KCNT2: variants seen among roughly 807,000 people sequenced by gnomAD.
The protein encoded by KCNT2 is potassium sodium-activated channel subfamily T member 2, also known as potassium channel subfamily T member 2.
KCNT2 carries 67 observed loss-of-function variants against 153.8 expected under a neutral mutation model. The ratio of observed to expected loss-of-function variants is 0.44; its 90% CI spans 0.36 to 0.53. KCNT2 has a LOEUF of 0.53. Among genes scored for constraint, KCNT2 ranks in the 20% least tolerant of loss-of-function variants. The pLI is 0.00. For missense variants in KCNT2, 975 were observed against 1,354.8 expected (o/e 0.72, Z 4.40); for synonymous variants, 500 against 458.8 (o/e 1.09, Z -1.15).
intron 19 of KCNT2, among the ~76,000 whole-genome samples, chr1:196,320,688 T>C (rs572534079): frequency 1.3e-5 from 2 of 150,768 alleles, no homozygotes; most frequent in South Asian, 4.2e-4. Context: ...AGAAAAAGAA[T>C]GCTTAATACA....
At chr1:196,403,185 A>G (rs539263154) in intron 12 of KCNT2, among the ~76,000 whole-genome samples, 1 of 151,660 alleles carries the variant, frequency 6.6e-6, no homozygotes, top group Non-Finnish European at 1.5e-5. Context: ...TCAATAGATG[A>G]ATGGATAAAC....
intron 1 of KCNT2, among the ~76,000 whole-genome samples, chr1:196,597,040 T>C (rs1664167095): frequency 6.6e-6 from 1 of 152,160 alleles, no homozygotes; most frequent in South Asian, 2.1e-4. Flanking sequence ...ATATTTACTT[T>C]GGGCACTTGT....
intron 13 of KCNT2, among the ~76,000 whole-genome samples, chr1:196,397,441 C>A (rs966227981): frequency 6.6e-6 from 1 of 151,382 alleles, no homozygotes; most frequent in African/African-American, 2.4e-5. Context: ...ACAAAAGAGG[C>A]ACTGTTATTT....
At chr1:196,296,166 TTAAAGA>T (rs1660657202) in intron 22 of KCNT2, among the ~76,000 whole-genome samples, 1 of 151,960 alleles carries the variant, frequency 6.6e-6, no homozygotes, top group Non-Finnish European at 1.5e-5. Context: ...GTTTGATGTA[TTAAAGA>T]TAAACTGTCC....
chr1:196,306,347 C>T (rs1281297153), intron 21 of KCNT2, among the ~76,000 whole-genome samples: 1 of 152,102 alleles, frequency 6.6e-6, no homozygotes, highest in Non-Finnish European at 1.5e-5. Flanking sequence ...AAATCAGCTC[C>T]TTCTGCTCTC....
rs914023457 is a variant in KCNT2 at position 196,331,656 on chromosome 1, C to T, written c.1998-395G>A. Among the ~76,000 whole-genome samples, 7 of 151,996 alleles carry T rather than the reference C, an allele frequency of 4.6e-5. No individual in the cohort carries two copies. In the East Asian group the frequency reaches 1.2e-3, roughly 25 times the overall value. On this transcript the variant is annotated intron_variant, in intron 17 of 27. Transcript: ENST00000294725. The stretch of plus-strand genomic sequence containing the variant: ...CAGAGTTAGTAGTTGCAACAGGGGT[C>T]AAAAAGCCTGAAATATTTACTGGTT...
At chr1:196,473,349 C>T (rs1678258260) in intron 5 of KCNT2, among the ~76,000 whole-genome samples, 1 of 152,178 alleles carries the variant, frequency 6.6e-6, no homozygotes, top group African/African-American at 2.4e-5. Flanking sequence ...GACATTACAA[C>T]ACTTTAAACT....
Position 196,236,000 on chromosome 1 carries a change from C to T in KCNT2, c.3282G>A (p.Glu1094=). 1 of 1,592,364 alleles carries T rather than the reference C, an allele frequency of 6.3e-7. No individual in the cohort carries two copies. Among genetic ancestry groups the T allele is most frequent in the African/African-American group, 1.3e-5 (1 of 74,390 alleles). Residue 1094 remains glutamate (E), a synonymous_variant, in exon 27 of 28, where the codon GAG becomes GAA. Transcript: ENST00000294725. ...LINPSPDTRI[E]LNDVVYLIRP... is the part of the protein sequence containing the mutation. ...GATCAACTTACACAACATCATTCAG[C>T]TCTATTCTGGTATCTGGAGATGGGT...
chr1:196,602,416 T>C (rs1351464358), intron 1 of KCNT2, among the ~76,000 whole-genome samples: 1 of 152,228 alleles, frequency 6.6e-6, no homozygotes, highest in Non-Finnish European at 1.5e-5. Context: ...ATCTCAATGT[T>C]GGTGTCCCCA....
intron 1 of KCNT2, among the ~76,000 whole-genome samples, chr1:196,580,934 G>A (rs1285865192): frequency 6.6e-6 from 1 of 152,078 alleles, no homozygotes; most frequent in African/African-American, 2.4e-5. Context: ...ACTTGTTCTT[G>A]TTTTCTTGTA....
At chr1:196,603,204 C>G (rs1229034942) in intron 1 of KCNT2, among the ~76,000 whole-genome samples, 6 of 152,126 alleles carry the variant, frequency 3.9e-5, no homozygotes, top group Admixed American at 6.5e-5. Flanking sequence ...TCTAAACTCT[C>G]TTTCTAAAGT....
chr1:196,309,183 A>G (rs1410370308), intron 21 of KCNT2, among the ~76,000 whole-genome samples: 1 of 151,996 alleles, frequency 6.6e-6, no homozygotes, highest in East Asian at 1.9e-4. Flanking sequence ...TAGAGATAGA[A>G]TTTATGAGGA....
chr1:196,403,439 TAAG>T (rs1049186138), intron 12 of KCNT2, among the ~76,000 whole-genome samples: 14 of 151,794 alleles, frequency 9.2e-5, no homozygotes, highest in African/African-American at 2.9e-4. Context: ...ATAATATTTT[TAAG>T]ACCCTAAAAC....
At chr1:196,329,950 CATATATAT>C (rs71154737) in intron 18 of KCNT2, among the ~76,000 whole-genome samples, 1,960 of 73,516 alleles carry the variant, frequency 0.027, 104 homozygotes, top group African/African-American at 0.12. Flanking sequence ...TTCCTCAAGA[CATATATAT>C]ATATATATAT....
chr1:196,491,754 C>T (rs1279322397), intron 2 of KCNT2, among the ~76,000 whole-genome samples: 1 of 151,956 alleles, frequency 6.6e-6, no homozygotes, highest in Admixed American at 6.6e-5. Context: ...GAGATCTACC[C>T]TACACTTCCT....
intron 1 of KCNT2, among the ~76,000 whole-genome samples, chr1:196,515,265 AC>A (rs1367865552): frequency 6.6e-6 from 1 of 152,196 alleles, no homozygotes; most frequent in African/African-American, 2.4e-5. Flanking sequence ...AACTGAGAAG[AC>A]TGCCACCTTG....
chr1:196,485,368 A>G (rs1016091622), intron 3 of KCNT2, among the ~76,000 whole-genome samples: 4 of 152,066 alleles, frequency 2.6e-5, no homozygotes, highest in African/African-American at 9.7e-5. Flanking sequence ...TTACACTGCC[A>G]GTATAGCAGA....
intron 13 of KCNT2, among the ~76,000 whole-genome samples, chr1:196,380,852 T>C (rs1669421754): frequency 6.6e-6 from 1 of 152,222 alleles, no homozygotes. Flanking sequence ...AAGTGAGTTT[T>C]ATTTTGATCC....
intron 1 of KCNT2, among the ~76,000 whole-genome samples, chr1:196,500,792 C>G (rs1680638419): frequency 6.6e-6 from 1 of 152,132 alleles, no homozygotes; most frequent in Non-Finnish European, 1.5e-5. Context: ...TATTTGCAAA[C>G]TATGCATCCA....
Sources: allele counts gnomAD v4.1 joint callset (sites outside exome capture counted in the v4.1 genomes callset), GRCh38; gene constraint gnomAD v4.1.1; transcripts MANE v1.5; gene names NCBI Gene and HGNC (gene_info 2026-07-23, HGNC 2026-07-21).